Variants in SLC16A7 observed in about 807,000 individuals in gnomAD.
SLC16A7 encodes monocarboxylate transporter 2.
A neutral mutation model predicts 34.9 loss-of-function variants in SLC16A7; 33 were observed. That is an observed-to-expected ratio of 0.94 (90% CI 0.72 to 1.26). The LOEUF (loss-of-function observed/expected upper bound fraction) is 1.26, where lower values mean the gene tolerates loss of function less well. SLC16A7 is among the 50% of genes most tolerant of loss of function. SLC16A7 has a pLI of 0.00. For synonymous variants in SLC16A7, 201 were observed against 206.6 expected (o/e 0.97, Z 0.23); for missense variants, 573 against 578.1 (o/e 0.99, Z 0.09).
At chr12:59,775,975 T>C (rs1738410249) in intron 5 of SLC16A7, among the ~76,000 whole-genome samples, 1 of 152,226 alleles carries the variant, frequency 6.6e-6, no homozygotes, top group Non-Finnish European at 1.5e-5. Flanking sequence ...TATATTCATG[T>C]ATCTATTCCA....
Position 59,704,883 on chromosome 12 carries a change from A to T in SLC16A7, c.82A>T (p.Ile28Phe). ...WGWIVVGAAF[I>F]SIGFSYAFPK... ...TTGGATTGTGGTTGGAGCAGCTTTTATCTCCATTGGATTTTCCTATGCATT... is the reference window on the plus strand; with the variant it reads ...TTGGATTGTGGTTGGAGCAGCTTTTTTCTCCATTGGATTTTCCTATGCATT... The change falls in exon 3 of 6, where the codon ATC becomes TTC. Residue 28 changes from isoleucine to phenylalanine, a missense_variant. Transcript: ENST00000547379. 6.2e-7 allele frequency: 1 copy of T among 1,613,866 alleles called. No individual in the cohort carries two copies. Among genetic ancestry groups the T allele is most frequent in the Non-Finnish European group, 8.5e-7 (1 of 1,179,854 alleles).
chr12:59,669,949 T>G (rs1178374563), intron 2 of SLC16A7, among the ~76,000 whole-genome samples: 1 of 152,198 alleles, frequency 6.6e-6, no homozygotes, highest in African/African-American at 2.4e-5. Flanking sequence ...TTACAAGTTC[T>G]TATTAAGCAC....
intron 2 of SLC16A7, among the ~76,000 whole-genome samples, chr12:59,656,310 A>C (rs1868531888): frequency 6.6e-6 from 1 of 152,006 alleles, no homozygotes; most frequent in Admixed American, 6.6e-5. Flanking sequence ...GATGGAATTA[A>C]GGTTGCTAAT....
At chr12:59,730,875 G>A (rs1244334304) in intron 3 of SLC16A7, among the ~76,000 whole-genome samples, 1 of 152,108 alleles carries the variant, frequency 6.6e-6, no homozygotes, top group East Asian at 1.9e-4. Flanking sequence ...TTCACCACTT[G>A]TGATTATGTA....
chr12:59,649,923 T>C (rs1040899377), intron 1 of SLC16A7, among the ~76,000 whole-genome samples: 2 of 152,092 alleles, frequency 1.3e-5, no homozygotes, highest in Non-Finnish European at 2.9e-5. Flanking sequence ...CACTCCAGTC[T>C]GGCCTATAAG....
At chr12:59,768,461 G>T in intron 3 of SLC16A7, 1 of 240,610 alleles carries the variant, frequency 4.2e-6, no homozygotes, top group Non-Finnish European at 8.4e-6. Flanking sequence ...CAAGAAAGTG[G>T]TTTCTTGAAA....
At position 59,701,189 on chromosome 12, in the gene SLC16A7, G is replaced by A. The variant is rs968309804; in HGVS notation, c.-30-3583G>A. Among the ~76,000 whole-genome samples the A allele has an allele frequency of 3.3e-5, 5 of 150,844 alleles. No homozygotes were observed. The East Asian group carries it at 7.7e-4, about 23-fold the overall frequency. ...GATGATAGGTAAATTTGTCTAGTAC[G>A]TATTAGTCATGCCATTTACATGTAG... is the stretch of plus-strand genomic sequence containing the variant. On this transcript the variant is annotated intron_variant, in intron 2 of 5. Coordinates refer to ENST00000547379, the MANE Select transcript of SLC16A7 (RefSeq NM_001270623.2).
chr12:59,647,373 G>T (rs943009927), intron 1 of SLC16A7, among the ~76,000 whole-genome samples: 2 of 152,048 alleles, frequency 1.3e-5, no homozygotes, highest in Admixed American at 6.6e-5. Flanking sequence ...TTCCCTCTTC[G>T]TTCAGCTCTC....
intron 1 of SLC16A7, among the ~76,000 whole-genome samples, chr12:59,624,609 C>T (rs540362786): frequency 5.9e-5 from 9 of 151,852 alleles, no homozygotes; most frequent in Admixed American, 5.3e-4. Flanking sequence ...TGTTTTGAAT[C>T]ACCTTTGTAA....
intron 1 of SLC16A7, among the ~76,000 whole-genome samples, chr12:59,628,361 T>C (rs944139940): frequency 1.2e-4 from 18 of 151,936 alleles, no homozygotes; most frequent in African/African-American, 4.1e-4. Context: ...AGGGCAATCA[T>C]GTACTAGCCT....
At chr12:59,778,177 A>G (rs1475125868) in intron 5 of SLC16A7, among the ~76,000 whole-genome samples, 2 of 152,122 alleles carry the variant, frequency 1.3e-5, no homozygotes, top group Admixed American at 6.6e-5. Context: ...CTGATGGGCC[A>G]TGGACCTAAT....
intron 2 of SLC16A7, among the ~76,000 whole-genome samples, chr12:59,683,511 A>G (rs1406824442): frequency 6.6e-6 from 1 of 152,208 alleles, no homozygotes; most frequent in African/African-American, 2.4e-5. Context: ...GATGCATTCA[A>G]GAGCTATTAA....
chr12:59,716,059 G>A (rs1874861809), intron 3 of SLC16A7, among the ~76,000 whole-genome samples: 1 of 152,178 alleles, frequency 6.6e-6, no homozygotes, highest in African/African-American at 2.4e-5. Flanking sequence ...CACTAGAAGG[G>A]TGTTAAGTGT....
intron 3 of SLC16A7, among the ~76,000 whole-genome samples, chr12:59,754,659 G>A (rs1410841571): frequency 6.6e-6 from 1 of 152,140 alleles, no homozygotes; most frequent in Non-Finnish European, 1.5e-5. Flanking sequence ...TGGATTCACA[G>A]CCGAATTCTA....
intron 2 of SLC16A7, among the ~76,000 whole-genome samples, chr12:59,689,012 T>C (rs1002843906): frequency 3.9e-5 from 6 of 152,146 alleles, no homozygotes; most frequent in African/African-American, 1.2e-4. Context: ...CCTAATTCTA[T>C]AGCCTATGTT....
intron 3 of SLC16A7, among the ~76,000 whole-genome samples, chr12:59,717,556 GAT>G (rs1406597899): frequency 1.3e-5 from 2 of 152,134 alleles, no homozygotes; most frequent in Admixed American, 6.5e-5. Context: ...AATCGAACAT[GAT>G]ATGTTTTAGA....
rs1387937170 is a variant in SLC16A7, at chr12:59,781,288, ATTAAT to A, written c.*1614_*1618del. The A allele has an allele frequency of 6.6e-6, 1 of 152,582 alleles. No homozygotes were observed. The highest frequency in any genetic ancestry group is 1.5e-5 in the Non-Finnish European group (1 of 68,022). 9.5% of individuals were successfully genotyped at this position (152,582 alleles called of 1,614,324 possible). A position where few individuals can be genotyped will look rare whatever the true frequency, so the allele number is the denominator to read the frequency against. On this transcript the variant is annotated 3_prime_UTR_variant, in exon 6 of 6. Transcript: ENST00000547379. ...ATCTATAAATCTGAAGTTTAACATG[ATTAAT>A]TTAAAAAGTATTTAGTGCTTGACAA...
At position 59,614,874 on chromosome 12, in the gene SLC16A7, G is replaced by A. The variant is rs558560729; in HGVS notation, c.-130+18638G>A. 1.6e-3 allele frequency among the ~76,000 whole-genome samples: 242 copies of A among 150,086 alleles called. 1 individual carries two copies. The highest frequency in any genetic ancestry group is 2.3e-3 in the Non-Finnish European group (158 of 67,540). On this transcript the variant is annotated intron_variant, in intron 1 of 5. Transcript: ENST00000547379. ...AAAAATTAGCCAGGCGTGGTGGTGG[G>A]CACCTGTAGTCCCAGCTACTTGGGA...
chr12:59,712,407 C>A (rs1874337824), intron 3 of SLC16A7, among the ~76,000 whole-genome samples: 1 of 152,184 alleles, frequency 6.6e-6, no homozygotes, highest in South Asian at 2.1e-4. Flanking sequence ...GAATAGTGGA[C>A]AAGACATTGG....
Sources: allele counts gnomAD v4.1 joint callset (sites outside exome capture counted in the v4.1 genomes callset), GRCh38; gene constraint gnomAD v4.1.1; transcripts MANE v1.5; gene names NCBI Gene and HGNC (gene_info 2026-07-23, HGNC 2026-07-21).